The following FBN3 variants were observed in gnomAD, a reference collection of about 807,000 sequenced individuals.
The protein encoded by FBN3 is fibrillin-3.
Under a neutral mutation model 330.1 loss-of-function variants are expected in FBN3, and 234 were observed. The ratio of observed to expected loss-of-function variants is 0.71; its 90% CI spans 0.64 to 0.79. FBN3 has a LOEUF of 0.79. Ranked by LOEUF, FBN3 falls within the 30% of genes least tolerant of loss-of-function variation. FBN3 has a pLI of 0.00. For missense variants in FBN3, 3,606 were observed against 3,886.9 expected (o/e 0.93, Z 1.92); for synonymous variants, 1,458 against 1,517.3 (o/e 0.96, Z 0.91).
intron 14 of FBN3, among the ~76,000 whole-genome samples, chr19:8,132,255 C>T (rs2083166500): frequency 6.6e-6 from 1 of 152,060 alleles, no homozygotes; most frequent in Middle Eastern, 3.4e-3. Context: ...ATCATGTTGC[C>T]CAGGCTGGTC....
intron 18 of FBN3, 66 bp downstream of exon 18, chr19:8,128,962 G>A (rs942203650): frequency 9.7e-6 from 15 of 1,548,744 alleles, no homozygotes; most frequent in African/African-American, 2.7e-5. Flanking sequence ...GCGTGCACAC[G>A]CCACATGCCA....
Position 8,089,974 on chromosome 19 carries a change from G to A in FBN3, c.6185-15C>T. 1 of 1,608,616 alleles carries A rather than the reference G, an allele frequency of 6.2e-7. No homozygotes were observed. Among genetic ancestry groups the A allele is most frequent in the Non-Finnish European group, 8.5e-7 (1 of 1,178,718 alleles). On this transcript the variant is annotated splice_polypyrimidine_tract_variant and intron_variant, in intron 49 of 63. Transcript: ENST00000600128. Reference sequence around the variant, plus strand: ...CTGAAAGGCAGCTGGACGGAGAGGGGGAGGGGAGTCAGAGTCAGGGCCTAG... The same window carrying A: ...CTGAAAGGCAGCTGGACGGAGAGGGAGAGGGGAGTCAGAGTCAGGGCCTAG...
chr19:8,095,933 T>C, intron 45 of FBN3, 31 bp downstream of exon 45: 1 of 1,432,394 alleles, frequency 7.0e-7, no homozygotes, highest in Non-Finnish European at 9.8e-7. Flanking sequence ...GAACCCACTT[T>C]GTGGCCAGCC....
Position 8,126,962 on chromosome 19 carries a change from G to C in FBN3, c.2297-130C>G, listed in dbSNP as rs192224404. 2.9e-4 allele frequency: 296 copies of C among 1,015,922 alleles called. 1 individual carries two copies. The African/African-American group carries it at 4.4e-3, about 15-fold the overall frequency. The allele number at this position is 1,015,922 out of a possible 1,614,324, so 62.9% of individuals were successfully genotyped here. On this transcript the variant is annotated intron_variant, in intron 18 of 63. Coordinates refer to ENST00000600128, the MANE Select transcript of FBN3 (RefSeq NM_032447.5). ...GCACCCAGATGCACAAGCATGCAGA[G>C]GGCACTGGAATCAAATGTGCATGCA...
At chr19:8,102,962 AT>A (rs2082358314) in intron 39 of FBN3, 89 bp from the exon 40 acceptor site, 1 of 1,341,160 alleles carries the variant, frequency 7.5e-7, no homozygotes, top group Non-Finnish European at 1.1e-6. Flanking sequence ...TCCTTAACTG[AT>A]TCATTTGAAG....
chr19:8,124,079 C>G (rs893062048), intron 22 of FBN3, 71 bp from the exon 23 acceptor site: 1 of 1,301,014 alleles, frequency 7.7e-7, no homozygotes, highest in Non-Finnish European at 1.1e-6. Context: ...GCGTGCCGCT[C>G]AGTCACTCCC....
Position 8,144,770 on chromosome 19 carries a change from G to A in FBN3, c.541+107C>T, listed in dbSNP as rs1305613426. 7.3e-6 allele frequency: 6 copies of A among 819,674 alleles called. No homozygotes were observed. In the African/African-American group the frequency reaches 8.6e-5, roughly 12 times the overall value. The allele number at this position is 819,674 out of a possible 1,614,324, so 50.8% of individuals were successfully genotyped here. A position where few individuals can be genotyped will look rare whatever the true frequency, so the allele number is the denominator to read the frequency against. On this transcript the variant is annotated intron_variant, in intron 6 of 63. Transcript: ENST00000600128. ...CAGACTGCCCCAAATGCGGGAAGGA[G>A]GCCAGCTGGTTCCTTTCAAGGCCTG...
chr19:8,110,999 C>G, intron 33 of FBN3, 32 bp from the exon 34 acceptor site: 2 of 1,614,154 alleles, frequency 1.2e-6, no homozygotes, highest in Non-Finnish European at 8.5e-7. Flanking sequence ...CTGCCCCACC[C>G]AGAGTCTGCA....
intron 47 of FBN3, among the ~76,000 whole-genome samples, chr19:8,093,680 A>G (rs1181416474): frequency 1.3e-5 from 2 of 152,144 alleles, no homozygotes; most frequent in Non-Finnish European, 2.9e-5. Flanking sequence ...CCAGCTACTC[A>G]GGAGGCTGAG....
chr19:8,106,804 G>T (rs1431627446), intron 37 of FBN3, among the ~76,000 whole-genome samples: 2 of 150,478 alleles, frequency 1.3e-5, no homozygotes, highest in African/African-American at 4.9e-5. Flanking sequence ...GATGAATGGG[G>T]GAATAGAAAG....
At chr19:8,085,942 G>A (rs555190312) in intron 55 of FBN3, among the ~76,000 whole-genome samples, 294 of 151,644 alleles carry the variant, frequency 1.9e-3, no homozygotes, top group African/African-American at 6.9e-3. Flanking sequence ...CGCAGGCCCC[G>A]TCCCTGCCTT....
intron 59 of FBN3, among the ~76,000 whole-genome samples, chr19:8,078,740 A>G (rs983918708): frequency 2.0e-5 from 3 of 151,836 alleles, no homozygotes; most frequent in African/African-American, 7.3e-5. Flanking sequence ...GCAGAGAAAC[A>G]GAAATGCCTC....
chr19:8,066,418 A>G (rs1324853305), intron 63 of FBN3, among the ~76,000 whole-genome samples, 158 bp from the exon 64 acceptor site: 1 of 152,232 alleles, frequency 6.6e-6, no homozygotes. Context: ...ATTTGCAGCA[A>G]CGTGGATGCA....
intron 2 of FBN3, 39 bp from the exon 3 acceptor site, chr19:8,147,225 C>G (rs754098141): frequency 9.6e-6 from 15 of 1,557,392 alleles, no homozygotes; most frequent in Non-Finnish European, 1.3e-5. Context: ...AGCCCCTGCC[C>G]GTGTGGACAT....
intron 51 of FBN3, among the ~76,000 whole-genome samples, chr19:8,089,329 ATAAG>A (rs775381979): frequency 1.5e-4 from 23 of 152,222 alleles, no homozygotes; most frequent in Non-Finnish European, 3.1e-4. Context: ...GAGTAAATGA[ATAAG>A]TGAGTGAGTG....
chr19:8,121,426 G>A lies in FBN3; in HGVS notation c.3083-40C>T. 6.5e-7 allele frequency: 1 copy of A among 1,546,820 alleles called. No individual in the cohort carries two copies. The highest frequency in any genetic ancestry group is 8.7e-7 in the Non-Finnish European group (1 of 1,143,032). ...GGCAGAGGCCGGAGGCGCCATGTGG[G>A]CCGCATCATGGGGCACGAGGCAGGG... On this transcript the variant is annotated intron_variant, in intron 24 of 63. Transcript: ENST00000600128. This position sits in a 1 kb window ranked among gnomAD's most constrained non-coding sequence, Gnocchi z 4.5.
chr19:8,102,281 C>T (rs1364861636), intron 40 of FBN3, among the ~76,000 whole-genome samples: 1 of 151,218 alleles, frequency 6.6e-6, no homozygotes, highest in East Asian at 1.9e-4. Context: ...GTGGCATGAT[C>T]GCGGCTCACT....
At position 8,085,314 on chromosome 19, in the gene FBN3, C is replaced by T. The variant is rs769989826; in HGVS notation, c.7087+49G>A. The stretch of plus-strand genomic sequence containing the variant: ...GTACAGACACATGACCCTGAGCAAA[C>T]TCCCCCGTTTCTTGCCTCCCTGGGG... On this transcript the variant is annotated intron_variant, in intron 56 of 63. Coordinates refer to ENST00000600128, the MANE Select transcript of FBN3 (RefSeq NM_032447.5). 2.7e-6 allele frequency: 4 copies of T among 1,498,124 alleles called. No individual in the cohort carries two copies. In the African/African-American group the frequency reaches 4.2e-5, roughly 16 times the overall value. 92.8% of individuals were successfully genotyped at this position (1,498,124 alleles called of 1,614,324 possible).
At position 8,122,541 on chromosome 19, in the gene FBN3, AT is replaced by A. The variant is rs2082876733; in HGVS notation, c.3082+922del. Among the ~76,000 whole-genome samples the A allele has an allele frequency of 2.7e-5, 4 of 150,452 alleles. No individual in the cohort carries two copies. In the South Asian group the frequency reaches 8.4e-4, roughly 32 times the overall value. On this transcript the variant is annotated intron_variant, in intron 24 of 63. Transcript: ENST00000600128. The stretch of plus-strand genomic sequence containing the variant: ...GCCACCAGGCCCAGCTAATTTTTGT[AT>A]CTTTAGTAGAGACGGGGTATTGCCA...
Sources: allele counts gnomAD v4.1 joint callset (sites outside exome capture counted in the v4.1 genomes callset), GRCh38; gene constraint gnomAD v4.1.1; non-coding constraint Gnocchi (gnomAD v3.1); transcripts MANE v1.5; gene names NCBI Gene and HGNC (gene_info 2026-07-23, HGNC 2026-07-21).